Variants in CLDN1 observed in about 807,000 individuals in gnomAD.
The protein encoded by CLDN1 is claudin 1, also known as claudin-1.
In CLDN1, 12 loss-of-function variants were observed where a neutral mutation model predicts 22.6. That is an observed-to-expected ratio of 0.53 (90% CI 0.34 to 0.86). The LOEUF (loss-of-function observed/expected upper bound fraction) is 0.86, where lower values mean the gene tolerates loss of function less well. Among genes scored for constraint, CLDN1 ranks in the 40% least tolerant of loss-of-function variants. The pLI, the probability that CLDN1 is intolerant of heterozygous loss-of-function variation, is 0.02. For synonymous variants in CLDN1, 99 were observed against 103.8 expected (o/e 0.95, Z 0.28); for missense variants, 250 against 269.5 (o/e 0.93, Z 0.51).
chr3:190,309,704 A>T (rs1012078356), intron 3 of CLDN1, among the ~76,000 whole-genome samples: 1 of 152,232 alleles, frequency 6.6e-6, no homozygotes, highest in Admixed American at 6.6e-5. Flanking sequence ...AAAAACATAC[A>T]TAATAGCTTT....
Position 190,310,181 on chromosome 3 carries a change from G to A in CLDN1, c.461C>T (p.Pro154Leu), listed in dbSNP as rs753668517. 6.8e-6 allele frequency: 11 copies of A among 1,613,374 alleles called. No homozygotes were observed. Among genetic ancestry groups the A allele is most frequent in the South Asian group, 4.4e-5 (4 of 91,060 alleles). ...TGAATAGCGTTACCTGGCATTGACT[G>A]GGGTCATAGGGTCATAGAATTCTTG... ...IVQEFYDPMT[P>L]VNARYEFGQA... Residue 154 changes from proline to leucine, a missense_variant, in exon 3 of 4, where the codon CCA becomes CTA. Physicochemically the swap from Pro to Leu is moderately conservative, Grantham distance 98. Transcript: ENST00000295522.
At position 190,310,251 on chromosome 3, in the gene CLDN1, G is replaced by A; in HGVS notation, c.391C>T (p.Leu131=). 1 of 1,612,692 alleles carries A rather than the reference G, an allele frequency of 6.2e-7. No individual in the cohort carries two copies. Among genetic ancestry groups the A allele is most frequent in the Non-Finnish European group, 8.5e-7 (1 of 1,178,978 alleles). The part of the protein sequence containing the change: ...IGGAIFLLAG[L]AILVATAWYG... The stretch of plus-strand genomic sequence containing the variant: ...CATGCTGTGGCAACTAAAATAGCCA[G>A]ACCTATAGAAATTCAAAACAAAAGA... Residue 131 remains leucine, a splice_region_variant and synonymous_variant, in exon 3 of 4, where the codon CTG becomes TTG. Coordinates refer to ENST00000295522, the MANE Select transcript of CLDN1 (RefSeq NM_021101.5).
intron 1 of CLDN1, among the ~76,000 whole-genome samples, chr3:190,317,646 A>G (rs1716805561): frequency 6.6e-6 from 1 of 152,216 alleles, no homozygotes; most frequent in Admixed American, 6.5e-5. Flanking sequence ...TAAACAAAAT[A>G]TAGTCATCTC....
In CLDN1 at chr3:190,322,287, C is replaced by G. The variant is rs1716949522; in HGVS notation, c.-81G>C. Reference sequence around the variant, plus strand: ...TTTGCAGGTGGGCAACCCGGACTCCCGAAGGTGGCTGGGCCCCGCGGAGGA... The same window carrying G: ...TTTGCAGGTGGGCAACCCGGACTCCGGAAGGTGGCTGGGCCCCGCGGAGGA... On this transcript the variant is annotated 5_prime_UTR_variant, in exon 1 of 4. Transcript: ENST00000295522. 7 of 1,269,240 alleles carry G rather than the reference C, an allele frequency of 5.5e-6. No individual in the cohort carries two copies. The highest frequency in any genetic ancestry group is 1.5e-5 in the African/African-American group (1 of 67,956). The allele number at this position is 1,269,240 out of a possible 1,614,324, so 78.6% of individuals were successfully genotyped here.
intron 1 of CLDN1, among the ~76,000 whole-genome samples, chr3:190,318,609 C>CA (rs1438123138): frequency 1.3e-5 from 2 of 152,202 alleles, no homozygotes; most frequent in Admixed American, 1.3e-4. Context: ...TACTTAGTGC[C>CA]AAACCACAGT....
At chr3:190,312,269 T>C (rs7430690) in intron 2 of CLDN1, among the ~76,000 whole-genome samples, 21,829 of 150,946 alleles carry the variant, frequency 0.14, 1,613 homozygotes, top group African/African-American at 0.16. Context: ...AAATATAATA[T>C]TATTTTATCA....
chr3:190,321,990 G>A lies in CLDN1; in HGVS notation c.217C>T (p.Leu73=). Residue 73 remains leucine, a synonymous_variant, in exon 1 of 4, where the codon CTG becomes TTG. Coordinates refer to ENST00000295522, the MANE Select transcript of CLDN1 (RefSeq NM_021101.5). ...QCKVFDSLLN[L]SSTLQATRAL... ...GAGGTGGGGGTGCACTCACTGCTCA[G>A]ATTCAGCAAGGAGTCAAAGACTTTG... is the stretch of plus-strand genomic sequence containing the variant. 6.2e-7 allele frequency: 1 copy of A among 1,614,100 alleles called. No homozygotes were observed. Among genetic ancestry groups the A allele is most frequent in the South Asian group, 1.1e-5 (1 of 91,084 alleles).
At chr3:190,320,291 G>A (rs553111861) in intron 1 of CLDN1, among the ~76,000 whole-genome samples, 1 of 152,244 alleles carries the variant, frequency 6.6e-6, no homozygotes, top group Admixed American at 6.5e-5. Context: ...TTGATCAGAG[G>A]AATAAAACTG....
Position 190,322,162 on chromosome 3 carries a change from G to A in CLDN1, c.45C>T (p.Phe15=). The change falls in exon 1 of 4, where the codon TTC becomes TTT. Residue 15 remains phenylalanine (F), a synonymous_variant. Coordinates refer to ENST00000295522, the MANE Select transcript of CLDN1 (RefSeq NM_021101.5). ...GLQLLGFILA[F]LGWIGAIVST... ...TGACGATGGCGCCGATCCATCCCAG[G>A]AAGGCGAGAATGAAGCCCAACAGCT... The A allele has an allele frequency of 6.2e-7, 1 of 1,614,190 alleles. No homozygotes were observed. Among genetic ancestry groups the A allele is most frequent in the Non-Finnish European group, 8.5e-7 (1 of 1,180,048 alleles).
rs1171567364 is a variant in CLDN1 at position 190,306,438 on chromosome 3, G to GTTAATTCC, written c.*1831_*1838dup. ...GAAAAGCAACACCAAAACGTATGCA[G>GTTAATTCC]TTAATTCCTCAATTCTTTCCCTTAG... is the stretch of plus-strand genomic sequence containing the variant. On this transcript the variant is annotated 3_prime_UTR_variant, in exon 4 of 4. Coordinates refer to ENST00000295522, the MANE Select transcript of CLDN1 (RefSeq NM_021101.5). 7 of 152,170 alleles carry GTTAATTCC rather than the reference G, an allele frequency of 4.6e-5. No individual in the cohort carries two copies. The highest frequency in any genetic ancestry group is 8.8e-5 in the Non-Finnish European group (6 of 68,040). The allele number at this position is 152,170 out of a possible 1,614,324, so 9.4% of individuals were successfully genotyped here.
intron 1 of CLDN1, among the ~76,000 whole-genome samples, chr3:190,320,318 G>A (rs1302023561): frequency 6.6e-6 from 1 of 152,132 alleles, no homozygotes; most frequent in African/African-American, 2.4e-5. Flanking sequence ...AGACCTCTCT[G>A]GAATTGTCCT....
chr3:190,312,742 C>G, intron 2 of CLDN1, 130 bp downstream of exon 2: 2 of 978,868 alleles, frequency 2.0e-6, no homozygotes, highest in Non-Finnish European at 3.2e-6. Flanking sequence ...TGAAAGTCAA[C>G]TGGACTTCAG....
intron 1 of CLDN1, among the ~76,000 whole-genome samples, chr3:190,315,505 T>C (rs1478688296): frequency 6.6e-6 from 1 of 152,200 alleles, no homozygotes; most frequent in Non-Finnish European, 1.5e-5. Flanking sequence ...TATGATTATC[T>C]TGAGAAAGGG....
chr3:190,311,814 C>T (rs544938102), intron 2 of CLDN1, among the ~76,000 whole-genome samples: 1 of 151,676 alleles, frequency 6.6e-6, no homozygotes, highest in African/African-American at 2.4e-5. Context: ...TATACATACA[C>T]TATAATTTTT....
At chr3:190,317,065 A>G (rs374915361) in intron 1 of CLDN1, among the ~76,000 whole-genome samples, 12 of 152,300 alleles carry the variant, frequency 7.9e-5, no homozygotes, top group African/African-American at 2.9e-4. Flanking sequence ...CAGAGAAGTT[A>G]AAAAGGATGT....
At chr3:190,310,047 G>T (rs1213883119) in intron 3 of CLDN1, 122 bp downstream of exon 3, 3 of 781,088 alleles carry the variant, frequency 3.8e-6, no homozygotes, top group African/African-American at 1.7e-5. Context: ...TAAATTGTTT[G>T]TAGGTTTGAC....
At chr3:190,315,059 G>T (rs1238339772) in intron 1 of CLDN1, among the ~76,000 whole-genome samples, 1 of 152,178 alleles carries the variant, frequency 6.6e-6, no homozygotes, top group Admixed American at 6.5e-5. Flanking sequence ...CCATGGTTAA[G>T]GTATGTCCTC....
chr3:190,309,328 C>T (rs1303826783), intron 3 of CLDN1, among the ~76,000 whole-genome samples: 1 of 152,202 alleles, frequency 6.6e-6, no homozygotes, highest in Non-Finnish European at 1.5e-5. Context: ...TCTATTCTTA[C>T]ACTGTAAATC....
At chr3:190,314,604 A>G (rs1215472170) in intron 1 of CLDN1, among the ~76,000 whole-genome samples, 2 of 150,764 alleles carry the variant, frequency 1.3e-5, no homozygotes, top group African/African-American at 4.9e-5. Context: ...GGGTTTCACC[A>G]TGTTGCCCAG....
Sources: gnomAD v4.1 joint callset for allele counts (sites outside exome capture counted in the v4.1 genomes callset) on GRCh38, gnomAD v4.1.1 for gene constraint, MANE v1.5 for transcripts, NCBI Gene and HGNC (gene_info 2026-07-23, HGNC 2026-07-21) for gene names.